Variants in TTC27 observed in about 807,000 individuals in gnomAD.
TTC27 encodes tetratricopeptide repeat domain 27.
In TTC27, 79 loss-of-function variants were observed where a neutral mutation model predicts 115.9. The ratio of observed to expected loss-of-function variants is 0.68; its 90% CI spans 0.57 to 0.82. The LOEUF (loss-of-function observed/expected upper bound fraction) is 0.82. TTC27 is among the 40% of genes least tolerant of loss of function. TTC27 has a pLI of 0.00. For missense variants in TTC27, 1,054 were observed against 993.1 expected, an observed-to-expected ratio of 1.06 and a Z score of -0.82; for synonymous variants, 401 against 356.0, an observed-to-expected ratio of 1.13 and a Z score of -1.42.
At chr2:32,785,898 G>A (rs1361969443) in intron 15 of TTC27, among the ~76,000 whole-genome samples, 1 of 151,556 alleles carries the variant, frequency 6.6e-6, no homozygotes, top group African/African-American at 2.4e-5. Flanking sequence ...CTGGCCTGTT[G>A]TTGTTTTATT....
chr2:32,696,288 T>G (rs1394006587), intron 9 of TTC27, among the ~76,000 whole-genome samples: 1 of 138,900 alleles, frequency 7.2e-6, no homozygotes, highest in African/African-American at 2.5e-5. Context: ...TTATTTTATT[T>G]TATTTATTTT....
intron 10 of TTC27, among the ~76,000 whole-genome samples, chr2:32,732,756 G>T (rs1268363318): frequency 1.3e-5 from 2 of 152,100 alleles, no homozygotes; most frequent in African/African-American, 4.8e-5. Context: ...ATATGAGAAC[G>T]ACATTCTCCT....
chr2:32,646,057 CTCGCTCTG>C (rs1441727503), intron 4 of TTC27, among the ~76,000 whole-genome samples: 1 of 129,304 alleles, frequency 7.7e-6, no homozygotes, highest in Non-Finnish European at 1.6e-5. Flanking sequence ...GAGATGGAGT[CTCGCTCTG>C]TCGCCCAGGC....
At chr2:32,664,279 A>G in intron 5 of TTC27, 24 bp from the exon 6 acceptor site, 1 of 1,571,854 alleles carries the variant, frequency 6.4e-7, no homozygotes. Context: ...CATAACTTTT[A>G]ATGTTTTATC....
chr2:32,706,580 T>C (rs1402786646), intron 10 of TTC27, among the ~76,000 whole-genome samples: 1 of 152,148 alleles, frequency 6.6e-6, no homozygotes. Flanking sequence ...CTTTTTGTTT[T>C]TGAGACAGAG....
At chr2:32,713,228 T>C (rs942667113) in intron 10 of TTC27, among the ~76,000 whole-genome samples, 2 of 152,094 alleles carry the variant, frequency 1.3e-5, no homozygotes, top group Admixed American at 6.6e-5. Flanking sequence ...ATCCTAATAT[T>C]CTATTACAGC....
chr2:32,815,521 A>G (rs1437034960), intron 18 of TTC27, among the ~76,000 whole-genome samples: 1 of 152,034 alleles, frequency 6.6e-6, no homozygotes, highest in Non-Finnish European at 1.5e-5. Flanking sequence ...TTTTCTGATG[A>G]TTTGAAACAG....
intron 18 of TTC27, among the ~76,000 whole-genome samples, chr2:32,813,540 C>T (rs1390616530): frequency 6.6e-6 from 1 of 152,126 alleles, no homozygotes; most frequent in Non-Finnish European, 1.5e-5. Flanking sequence ...TAAATGAAAA[C>T]ATTCAAACAC....
chr2:32,680,932 C>G (rs1013370251), intron 9 of TTC27, among the ~76,000 whole-genome samples: 6 of 152,092 alleles, frequency 3.9e-5, no homozygotes, highest in Admixed American at 2.0e-4. Flanking sequence ...TATTCTCCTT[C>G]CCTTGCACTG....
intron 13 of TTC27, among the ~76,000 whole-genome samples, chr2:32,760,032 G>A (rs1669380399): frequency 6.6e-6 from 1 of 152,070 alleles, no homozygotes; most frequent in Non-Finnish European, 1.5e-5. Context: ...CTTGACTATT[G>A]TGAGTAGTGC....
In TTC27 at chr2:32,758,290, A is replaced by C; in HGVS notation, c.1453-2A>C. On this transcript the variant is annotated splice_acceptor_variant, in intron 12 of 19. Coordinates refer to ENST00000317907, the MANE Select transcript of TTC27 (RefSeq NM_017735.5). LOFTEE classifies it high-confidence loss of function. ...CAATTTCATTATTTCTGTTGTTTCT[A>C]GGCAGAAGAAATCCTTAGACAAGAG... The C allele has an allele frequency of 6.2e-7, 1 of 1,613,718 alleles. No homozygotes were observed. Among genetic ancestry groups the C allele is most frequent in the Non-Finnish European group, 8.5e-7 (1 of 1,179,766 alleles).
At chr2:32,692,073 G>T (rs199918262) in intron 9 of TTC27, among the ~76,000 whole-genome samples, 1 of 51,232 alleles carries the variant, frequency 2.0e-5, no homozygotes. Flanking sequence ...GTAGAGACAG[G>T]TCTCCCCATA....
At chr2:32,777,152 A>G (rs919883282) in intron 13 of TTC27, among the ~76,000 whole-genome samples, 7 of 152,220 alleles carry the variant, frequency 4.6e-5, no homozygotes, top group Admixed American at 3.9e-4. Context: ...AAGCAGATAT[A>G]TGCTAGGGCA....
chr2:32,794,525 T>A (rs1450989559), intron 16 of TTC27, among the ~76,000 whole-genome samples: 1 of 151,662 alleles, frequency 6.6e-6, no homozygotes, highest in Non-Finnish European at 1.5e-5. Context: ...TAACTTAACT[T>A]TACAACTTAA....
At chr2:32,731,176 C>A (rs1232836427) in intron 10 of TTC27, among the ~76,000 whole-genome samples, 4 of 152,038 alleles carry the variant, frequency 2.6e-5, no homozygotes, top group Admixed American at 2.6e-4. Flanking sequence ...CTCACTGCAA[C>A]CTCCGCCTCC....
At chr2:32,695,853 G>A (rs1003047694) in intron 9 of TTC27, among the ~76,000 whole-genome samples, 14 of 150,802 alleles carry the variant, frequency 9.3e-5, no homozygotes, top group Non-Finnish European at 7.4e-5. Flanking sequence ...GCAGTGAACC[G>A]AGATGGCGCC....
chr2:32,714,241 C>G (rs1473046394), intron 10 of TTC27, among the ~76,000 whole-genome samples: 4 of 150,384 alleles, frequency 2.7e-5, no homozygotes, highest in Non-Finnish European at 5.9e-5. Context: ...TCACTGAAAG[C>G]TCCACCTCCC....
chr2:32,669,604 GC>G (rs1665931620), intron 7 of TTC27, among the ~76,000 whole-genome samples: 1 of 152,088 alleles, frequency 6.6e-6, no homozygotes, highest in Admixed American at 6.5e-5. Flanking sequence ...TTACAACATG[GC>G]CCGGTGTGGT....
chr2:32,808,320 C>T (rs1671203709), intron 16 of TTC27, among the ~76,000 whole-genome samples: 2 of 152,196 alleles, frequency 1.3e-5, no homozygotes, highest in Admixed American at 1.3e-4. Flanking sequence ...TAGGCAATAT[C>T]TGCCATGACC....
Sources: allele counts gnomAD v4.1 joint callset (sites outside exome capture counted in the v4.1 genomes callset), GRCh38; gene constraint gnomAD v4.1.1; transcripts MANE v1.5; gene names NCBI Gene and HGNC (gene_info 2026-07-23, HGNC 2026-07-21).